CSN1S1: variants seen among roughly 807,000 people sequenced by gnomAD.
CSN1S1 encodes the protein casein alpha s1, also known as alpha-S1-casein.
In CSN1S1, 63 loss-of-function variants were observed where a neutral mutation model predicts 49.1. The ratio of observed to expected loss-of-function variants is 1.28; its 90% CI spans 1.05 to 1.58. The LOEUF is 1.58. Ranked by LOEUF, CSN1S1 falls within the 40% of genes most tolerant of loss-of-function variation. CSN1S1 has a pLI of 0.00. For synonymous variants in CSN1S1, 78 were observed against 67.1 expected (o/e 1.16, Z -0.79); for missense variants, 260 against 224.7 (o/e 1.16, Z -1.01).
chr4:69,944,550 T>C lies in CSN1S1; in HGVS notation c.403-300T>C, dbSNP rs1723088901. 2.0e-5 allele frequency among the ~76,000 whole-genome samples: 3 copies of C among 152,006 alleles called. No individual in the cohort carries two copies. The South Asian group carries it at 6.2e-4, about 32-fold the overall frequency. On this transcript the variant is annotated intron_variant, in intron 14 of 15. Transcript: ENST00000246891. ...TGAAATGTATGCTACTACTCTCTTC[T>C]GGGCTCTGATAAGTGGACCTGTGAG... is the stretch of plus-strand genomic sequence containing the variant.
Position 69,946,330 on chromosome 4 carries a change from G to A in CSN1S1, c.*134G>A, listed in dbSNP as rs546836358. ...TTCTTTTTGAGTTATCTACTTAATA[G>A]CATATCATTCTTTTTCTTAAGCTAA... On this transcript the variant is annotated 3_prime_UTR_variant, in exon 16 of 16. Coordinates refer to ENST00000246891, the MANE Select transcript of CSN1S1 (RefSeq NM_001890.2). The A allele has an allele frequency of 7.8e-5, 26 of 333,362 alleles. No homozygotes were observed. The East Asian group carries it at 1.1e-3, about 14-fold the overall frequency. 20.7% of individuals were successfully genotyped at this position (333,362 alleles called of 1,614,324 possible).
chr4:69,936,018 C>A, intron 5 of CSN1S1, 69 bp downstream of exon 5: 1 of 1,166,636 alleles, frequency 8.6e-7, no homozygotes, highest in Non-Finnish European at 1.2e-6. Flanking sequence ...TCAGGAGACT[C>A]AGAACAGTGC....
chr4:69,933,742 A>T (rs1165429706), intron 2 of CSN1S1, among the ~76,000 whole-genome samples: 1 of 152,008 alleles, frequency 6.6e-6, no homozygotes, highest in Non-Finnish European at 1.5e-5. Context: ...GCAGAATGAG[A>T]TCAATTTTCG....
chr4:69,942,132 A>T (rs951556827), intron 13 of CSN1S1, 69 bp downstream of exon 13: 1 of 905,500 alleles, frequency 1.1e-6, no homozygotes, highest in Non-Finnish European at 1.6e-6. Flanking sequence ...ATAATGCATG[A>T]TTCTCTTTTA....
At chr4:69,938,361 C>A (rs1297079428) in intron 9 of CSN1S1, among the ~76,000 whole-genome samples, 1 of 151,506 alleles carries the variant, frequency 6.6e-6, no homozygotes, top group Non-Finnish European at 1.5e-5. Flanking sequence ...TAGGTTGGTG[C>A]AAAAGTAATT....
At chr4:69,941,120 A>C in intron 12 of CSN1S1, 60 bp downstream of exon 12, 1 of 730,778 alleles carries the variant, frequency 1.4e-6, no homozygotes, top group Non-Finnish European at 2.1e-6. Flanking sequence ...AAACATATTA[A>C]ATTTTAAATT....
At chr4:69,935,738 A>G (rs1268290448) in intron 4 of CSN1S1, among the ~76,000 whole-genome samples, 188 bp from the exon 5 acceptor site, 2 of 152,148 alleles carry the variant, frequency 1.3e-5, no homozygotes, top group Non-Finnish European at 2.9e-5. Flanking sequence ...GTAGAGGTTT[A>G]CAATTTCCTC....
Position 69,946,451 on chromosome 4 carries a change from A to T in CSN1S1, c.*255A>T, listed in dbSNP as rs59485240. 77,902 of 221,454 alleles carry T rather than the reference A, an allele frequency of 0.35. 14,550 individuals are homozygous for T. Among genetic ancestry groups the T allele is most frequent in the South Asian group, 0.46 (2,500 of 5,394 alleles). 13.7% of individuals were successfully genotyped at this position (221,454 alleles called of 1,614,324 possible). On this transcript the variant is annotated 3_prime_UTR_variant, in exon 16 of 16. Coordinates refer to ENST00000246891, the MANE Select transcript of CSN1S1 (RefSeq NM_001890.2). ...TATTAAAGTGTTTACTAAGTTTTCT[A>T]GTGGACATTTTGTTTAAAAAGTCTT... is the stretch of plus-strand genomic sequence containing the variant.
In CSN1S1 at chr4:69,937,151, C is replaced by T; in HGVS notation, c.219+7C>T. On this transcript the variant is annotated splice_region_variant and intron_variant, in intron 8 of 15. Transcript: ENST00000246891. ...TAGGAATGAGTCTACTCAGGTGAGACCCTTTGTTTTAAAATTATTAAACCA... is the reference window on the plus strand; with the variant it reads ...TAGGAATGAGTCTACTCAGGTGAGATCCTTTGTTTTAAAATTATTAAACCA... 6.5e-7 allele frequency: 1 copy of T among 1,527,788 alleles called. No homozygotes were observed. Among genetic ancestry groups the T allele is most frequent in the Non-Finnish European group, 8.8e-7 (1 of 1,134,930 alleles). 94.6% of individuals were successfully genotyped at this position (1,527,788 alleles called of 1,614,324 possible). A position where few individuals can be genotyped will look rare whatever the true frequency, so the allele number is the denominator to read the frequency against.
At chr4:69,935,643 A>C (rs1283752192) in intron 4 of CSN1S1, among the ~76,000 whole-genome samples, 1 of 152,056 alleles carries the variant, frequency 6.6e-6, no homozygotes, top group Non-Finnish European at 1.5e-5. Flanking sequence ...CAAGATATGT[A>C]TATGTTAAAG....
intron 15 of CSN1S1, among the ~76,000 whole-genome samples, chr4:69,945,247 TG>T (rs1468197899): frequency 1.3e-5 from 2 of 152,040 alleles, no homozygotes; most frequent in Non-Finnish European, 2.9e-5. Flanking sequence ...TTTATTCTAA[TG>T]AGCCTGGAAA....
At position 69,946,442 on chromosome 4, in the gene CSN1S1, A is replaced by T. The variant is rs1723170047; in HGVS notation, c.*246A>T. ...ATCAGAGGGTATTAAAGTGTTTACT[A>T]AGTTTTCTAGTGGACATTTTGTTTA... On this transcript the variant is annotated 3_prime_UTR_variant, in exon 16 of 16. Transcript: ENST00000246891. 1 of 217,100 alleles carries T rather than the reference A, an allele frequency of 4.6e-6. No homozygotes were observed. The highest frequency in any genetic ancestry group is 6.8e-5 in the Admixed American group (1 of 14,602). The allele number at this position is 217,100 out of a possible 1,614,324, so 13.4% of individuals were successfully genotyped here. A position where few individuals can be genotyped will look rare whatever the true frequency, so the allele number is the denominator to read the frequency against.
In CSN1S1 at chr4:69,931,631, A is replaced by G. The variant is rs576332078; in HGVS notation, c.-13+514A>G. 1.4e-4 allele frequency among the ~76,000 whole-genome samples: 21 copies of G among 152,078 alleles called. No individual in the cohort carries two copies. The East Asian group carries it at 3.7e-3, about 27-fold the overall frequency. On this transcript the variant is annotated intron_variant, in intron 1 of 15. Coordinates refer to ENST00000246891, the MANE Select transcript of CSN1S1 (RefSeq NM_001890.2). Reference sequence around the variant, plus strand: ...GATTATTAAATTTAGATATTCAGAAAGACACAAATAGTAAATTTATTTGGG... The same window carrying G: ...GATTATTAAATTTAGATATTCAGAAGGACACAAATAGTAAATTTATTTGGG...
intron 1 of CSN1S1, among the ~76,000 whole-genome samples, chr4:69,931,514 C>T (rs1722606646): frequency 6.6e-6 from 1 of 151,734 alleles, no homozygotes; most frequent in Admixed American, 6.6e-5. Context: ...AGTTCAAGGC[C>T]ATTTTTGTTT....
In CSN1S1 at chr4:69,934,230, C is replaced by A; in HGVS notation, c.70C>A (p.Pro24Thr). The A allele has an allele frequency of 6.2e-7, 1 of 1,609,316 alleles. No homozygotes were observed. Among genetic ancestry groups the A allele is most frequent in the Non-Finnish European group, 8.5e-7 (1 of 1,177,318 alleles). ...LARPKLPLRYPERLQNPSESS... is the reference protein window; with the variant it reads ...LARPKLPLRYTERLQNPSESS... ...TTCACAGAAACTTCCTCTTAGATAC[C>A]CAGAACGCCTTCAGGTAAATATTCT... Residue 24 changes from proline (P) to threonine (T), a missense_variant, in exon 3 of 16, where the codon CCA (proline) becomes ACA (threonine). Transcript: ENST00000246891.
intron 15 of CSN1S1, 142 bp downstream of exon 15, chr4:69,945,146 G>A: frequency 1.2e-6 from 1 of 853,800 alleles, no homozygotes; most frequent in Non-Finnish European, 1.8e-6. Context: ...GTTCTGAAAT[G>A]GAAAATTGAT....
chr4:69,936,851 C>T (rs888345841), intron 7 of CSN1S1, among the ~76,000 whole-genome samples: 2 of 151,762 alleles, frequency 1.3e-5, no homozygotes, highest in African/African-American at 4.8e-5. Flanking sequence ...AACAAATAAA[C>T]AAATAAATGC....
intron 10 of CSN1S1, 98 bp downstream of exon 10, chr4:69,939,306 C>A: frequency 3.7e-6 from 3 of 813,798 alleles, no homozygotes; most frequent in Non-Finnish European, 6.0e-6. Context: ...TCTCATTGTA[C>A]AAGGCAGTGT....
chr4:69,934,156 TG>T, intron 2 of CSN1S1, 55 bp from the exon 3 acceptor site: 1 of 1,346,676 alleles, frequency 7.4e-7, no homozygotes, highest in Non-Finnish European at 1.1e-6. Flanking sequence ...ATTATTATAT[TG>T]TTATTGTCAT....
Sources: allele counts gnomAD v4.1 joint callset (sites outside exome capture counted in the v4.1 genomes callset), GRCh38; gene constraint gnomAD v4.1.1; transcripts MANE v1.5; gene names NCBI Gene and HGNC (gene_info 2026-07-23, HGNC 2026-07-21).